The following VASH2 variants were observed in gnomAD, a reference collection of about 807,000 sequenced individuals.
VASH2 encodes the protein vasohibin 2.
Under a neutral mutation model 37.2 loss-of-function variants are expected in VASH2, and 28 were observed. That is an observed-to-expected ratio of 0.75 (90% confidence interval 0.56 to 1.03). VASH2 has a LOEUF of 1.03. Ranked by LOEUF, VASH2 falls within the 50% of genes least tolerant of loss-of-function variation. The pLI is 0.00. For missense variants in VASH2, 419 were observed against 459.1 expected (o/e 0.91, Z 0.80); for synonymous variants, 188 against 174.7 (o/e 1.08, Z -0.60).
chr1:212,974,427 C>A (rs1667112940), intron 7 of VASH2, among the ~76,000 whole-genome samples: 1 of 152,154 alleles, frequency 6.6e-6, no homozygotes, highest in Non-Finnish European at 1.5e-5. Flanking sequence ...TCTTTCTGGG[C>A]ATAAGTTTTC....
intron 7 of VASH2, among the ~76,000 whole-genome samples, chr1:212,986,170 G>C (rs912012910): frequency 1.3e-5 from 2 of 152,200 alleles, no homozygotes; most frequent in Admixed American, 1.3e-4. Context: ...CTAGCTCTAG[G>C]AAATGACCTG....
chr1:212,954,448 TC>T (rs1666419949), intron 2 of VASH2, among the ~76,000 whole-genome samples: 1 of 151,458 alleles, frequency 6.6e-6, no homozygotes, highest in Non-Finnish European at 1.5e-5. Flanking sequence ...TGAGATGGAG[TC>T]TTGCTCTGTC....
At position 212,974,073 on chromosome 1, in the gene VASH2, G is replaced by C; in HGVS notation, c.995+3G>C. 1 of 1,610,070 alleles carries C rather than the reference G, an allele frequency of 6.2e-7. No homozygotes were observed. The highest frequency in any genetic ancestry group is 8.5e-7 in the Non-Finnish European group (1 of 1,177,700). ...AGGCTCGGCCGGCGAGAGAAGTCGTGAGTAATATTTCCTCTTCCCCAACTC... is the reference window on the plus strand; with the variant it reads ...AGGCTCGGCCGGCGAGAGAAGTCGTCAGTAATATTTCCTCTTCCCCAACTC... On this transcript the variant is annotated splice_donor_region_variant and intron_variant, in intron 7 of 7. Coordinates refer to ENST00000517399, the MANE Select transcript of VASH2 (RefSeq NM_001301056.2).
At chr1:212,977,932 ACTGAGTTGGCGGTTGACC>A (rs1156559995) in intron 7 of VASH2, among the ~76,000 whole-genome samples, 1 of 152,178 alleles carries the variant, frequency 6.6e-6, no homozygotes, top group Non-Finnish European at 1.5e-5. Flanking sequence ...GAATGGGAAA[ACTGAGTTGGCGGTTGACC>A]CTGAAAAATA....
chr1:212,963,902 G>A (rs986311606), intron 3 of VASH2, among the ~76,000 whole-genome samples: 15 of 152,032 alleles, frequency 9.9e-5, no homozygotes, highest in African/African-American at 3.4e-4. Context: ...CAGGAACCTC[G>A]TTGCTTGTAT....
In VASH2 at chr1:212,956,647, C is replaced by T. The variant is rs865831601; in HGVS notation, c.277-4519C>T. ...AGGTTGCACCAATTTATGTTTGCCT[C>T]GATCCTGTAGGAGAGCATCCTTACC... On this transcript the variant is annotated intron_variant, in intron 2 of 7. Coordinates refer to ENST00000517399, the MANE Select transcript of VASH2 (RefSeq NM_001301056.2). 3.5e-4 allele frequency among the ~76,000 whole-genome samples: 54 copies of T among 152,264 alleles called. No homozygotes were observed. The Middle Eastern group carries it at 0.01, about 29-fold the overall frequency.
chr1:212,954,528 C>T (rs1228660275), intron 2 of VASH2, among the ~76,000 whole-genome samples: 1 of 152,168 alleles, frequency 6.6e-6, no homozygotes, highest in Non-Finnish European at 1.5e-5. Flanking sequence ...TCAAGCAATT[C>T]TCCTGCCTCA....
chr1:212,957,060 T>C (rs147312980), intron 2 of VASH2, among the ~76,000 whole-genome samples: 1 of 152,308 alleles, frequency 6.6e-6, no homozygotes, highest in East Asian at 1.9e-4. Context: ...CAACGACCAT[T>C]CTACTTTGTG....
At chr1:212,961,983 G>A (rs1223791812) in intron 3 of VASH2, among the ~76,000 whole-genome samples, 1 of 152,172 alleles carries the variant, frequency 6.6e-6, no homozygotes, top group Non-Finnish European at 1.5e-5. Flanking sequence ...AACTGCTCAT[G>A]ATCTACAAGA....
intron 5 of VASH2, chr1:212,966,961 T>C (rs1194326193): frequency 6.2e-6 from 3 of 484,138 alleles, no homozygotes; most frequent in African/African-American, 6.0e-5. Context: ...AGCAGGCTGG[T>C]CTCAAACTGC....
intron 5 of VASH2, chr1:212,967,580 G>T (rs543624696): frequency 6.7e-5 from 27 of 403,272 alleles, no homozygotes; most frequent in Non-Finnish European, 9.1e-5. Context: ...AAGCAGAGGT[G>T]TGGCATGCTT....
intron 3 of VASH2, among the ~76,000 whole-genome samples, chr1:212,965,366 C>A (rs1047943985): frequency 6.6e-6 from 1 of 152,136 alleles, no homozygotes; most frequent in Non-Finnish European, 1.5e-5. Context: ...GGCAACATAG[C>A]AAGACCATGT....
chr1:212,974,734 G>GA (rs1397273560), intron 7 of VASH2: 4 of 152,310 alleles, frequency 2.6e-5, no homozygotes, highest in East Asian at 1.9e-4. Flanking sequence ...GCCATCCTGG[G>GA]AAAAAATACT....
At chr1:212,978,710 C>T (rs1031730615) in intron 7 of VASH2, among the ~76,000 whole-genome samples, 4 of 152,068 alleles carry the variant, frequency 2.6e-5, no homozygotes, top group South Asian at 4.1e-4. Context: ...GGTTTTTTTT[C>T]CCCACAACTA....
intron 2 of VASH2, among the ~76,000 whole-genome samples, chr1:212,956,463 G>A (rs929917752): frequency 6.6e-6 from 1 of 152,230 alleles, no homozygotes; most frequent in East Asian, 1.9e-4. Flanking sequence ...GGCTAACGTA[G>A]GCAGCAGGTG....
intron 2 of VASH2, chr1:212,952,594 A>G (rs570745229): frequency 6.6e-6 from 1 of 152,396 alleles, no homozygotes; most frequent in South Asian, 2.1e-4. Flanking sequence ...TTTGGTGGCT[A>G]AGGATATCTT....
At chr1:212,978,841 C>T (rs1284665008) in intron 7 of VASH2, among the ~76,000 whole-genome samples, 3 of 152,102 alleles carry the variant, frequency 2.0e-5, no homozygotes. Context: ...TGGCGGAAAC[C>T]CTTGCCACTT....
At chr1:212,953,638 C>T (rs1210963605) in intron 2 of VASH2, among the ~76,000 whole-genome samples, 1 of 152,128 alleles carries the variant, frequency 6.6e-6, no homozygotes, top group Non-Finnish European at 1.5e-5. Flanking sequence ...TAGCCTTGTG[C>T]CTCACTTAAG....
intron 2 of VASH2, among the ~76,000 whole-genome samples, chr1:212,958,951 A>G (rs534131507): frequency 1.3e-5 from 2 of 151,674 alleles, no homozygotes; most frequent in African/African-American, 2.4e-5. Context: ...CTGGTCTCGA[A>G]CTTCTGGGCT....
Sources: allele counts gnomAD v4.1 joint callset (sites outside exome capture counted in the v4.1 genomes callset), GRCh38; gene constraint gnomAD v4.1.1; transcripts MANE v1.5; gene names NCBI Gene and HGNC (gene_info 2026-07-23, HGNC 2026-07-21).